The following PPP2R5E variants were observed in gnomAD, a reference collection of about 807,000 sequenced individuals.
The protein encoded by PPP2R5E is serine/threonine-protein phosphatase 2A 56 kDa regulatory subunit epsilon isoform.
Under a neutral mutation model 65.3 loss-of-function variants are expected in PPP2R5E, and 4 were observed. The ratio of observed to expected loss-of-function variants is 0.06; its 90% CI spans 0.03 to 0.14. The LOEUF (loss-of-function observed/expected upper bound fraction) is 0.14, where lower values mean the gene tolerates loss of function less well. PPP2R5E is among the 10% of genes least tolerant of loss of function. PPP2R5E has a pLI of 1.00. For missense variants in PPP2R5E, 274 were observed against 556.1 expected (o/e 0.49, Z 5.10); for synonymous variants, 183 against 187.4 (o/e 0.98, Z 0.19).
chr14:63,400,715 C>T (rs1461857407), intron 5 of PPP2R5E, among the ~76,000 whole-genome samples: 3 of 13,230 alleles, frequency 2.3e-4, no homozygotes, highest in Non-Finnish European at 6.5e-4. Context: ...AAAAAGGCCC[C>T]ATATAGACTC....
Position 63,543,323 on chromosome 14 carries a change from A to AT in PPP2R5E, c.-553dup, listed in dbSNP as rs1363123791. 2.0e-5 allele frequency: 3 copies of AT among 152,644 alleles called. No homozygotes were observed. The East Asian group carries it at 5.8e-4, about 29-fold the overall frequency. 9.5% of individuals were successfully genotyped at this position (152,644 alleles called of 1,614,324 possible). A position where few individuals can be genotyped will look rare whatever the true frequency, so the allele number is the denominator to read the frequency against. Reference sequence around the variant, plus strand: ...TGCCCCTTTCTCTCTCCTATTGTCAATATCACCGGGCGGCTGAGTCCATGG... The same window carrying AT: ...TGCCCCTTTCTCTCTCCTATTGTCAATTATCACCGGGCGGCTGAGTCCATGG... On this transcript the variant is annotated 5_prime_UTR_variant, in exon 1 of 14. Transcript: ENST00000337537.
rs1566657207 is a variant in PPP2R5E at position 63,374,669 on chromosome 14, A to AT, written c.*1339_*1340insA. On this transcript the variant is annotated 3_prime_UTR_variant, in exon 14 of 14. Coordinates refer to ENST00000337537, the MANE Select transcript of PPP2R5E (RefSeq NM_006246.5). ...TATATATATATATATATATATATAT[A>AT]AAATACAGCCCTAGATTTTGTTTTT... 32 of 125,294 alleles carry AT rather than the reference A, an allele frequency of 2.6e-4. No individual in the cohort carries two copies. The highest frequency in any genetic ancestry group is 4.1e-3 in the Middle Eastern group (1 of 242). The allele number at this position is 125,294 out of a possible 1,614,324, so 7.8% of individuals were successfully genotyped here.
At chr14:63,473,956 G>A (rs1424088007) in intron 2 of PPP2R5E, among the ~76,000 whole-genome samples, 1 of 152,184 alleles carries the variant, frequency 6.6e-6, no homozygotes, top group Non-Finnish European at 1.5e-5. Flanking sequence ...AAGTTGGAGT[G>A]AGCACATGGT....
chr14:63,488,467 T>C (rs1891109517), intron 2 of PPP2R5E, among the ~76,000 whole-genome samples: 1 of 152,154 alleles, frequency 6.6e-6, no homozygotes, highest in Non-Finnish European at 1.5e-5. Flanking sequence ...CCTCCCAAAG[T>C]GCTGAGATTG....
At chr14:63,414,613 G>A (rs1886592296) in intron 5 of PPP2R5E, among the ~76,000 whole-genome samples, 1 of 152,224 alleles carries the variant, frequency 6.6e-6, no homozygotes, top group African/African-American at 2.4e-5. Flanking sequence ...TCCCGGAGAT[G>A]TTCCAAATGG....
intron 2 of PPP2R5E, among the ~76,000 whole-genome samples, chr14:63,484,137 T>A (rs538532817): frequency 6.7e-6 from 1 of 148,724 alleles, no homozygotes; most frequent in African/African-American, 2.5e-5. Flanking sequence ...CCCAAAGCAA[T>A]GAAGCTCAGG....
intron 2 of PPP2R5E, among the ~76,000 whole-genome samples, chr14:63,519,201 C>A (rs568170946): frequency 2.0e-5 from 3 of 151,098 alleles, no homozygotes; most frequent in Admixed American, 6.6e-5. Context: ...GCAACAAGAG[C>A]GAGACTCCGT....
chr14:63,527,185 T>C (rs1893218490), intron 2 of PPP2R5E, among the ~76,000 whole-genome samples: 1 of 152,116 alleles, frequency 6.6e-6, no homozygotes, highest in African/African-American at 2.4e-5. Context: ...AAAAGAAAGT[T>C]TATCTAATAA....
intron 10 of PPP2R5E, among the ~76,000 whole-genome samples, 168 bp from the exon 11 acceptor site, chr14:63,389,899 G>T (rs1884908230): frequency 6.6e-6 from 1 of 152,124 alleles, no homozygotes; most frequent in South Asian, 2.1e-4. Context: ...GTTCCACAAA[G>T]AATTCACCAT....
chr14:63,452,391 C>G (rs2139473771), intron 3 of PPP2R5E: 1 of 152,254 alleles, frequency 6.6e-6, no homozygotes, highest in East Asian at 1.9e-4. Flanking sequence ...ATTGTGGGGG[C>G]CACCCGGTAC....
chr14:63,441,226 T>G (rs1389455518), intron 3 of PPP2R5E, among the ~76,000 whole-genome samples: 1 of 152,190 alleles, frequency 6.6e-6, no homozygotes, highest in East Asian at 1.9e-4. Context: ...TACACACCTT[T>G]GTGAAGAGAC....
At chr14:63,477,879 T>C (rs1388538280) in intron 2 of PPP2R5E, among the ~76,000 whole-genome samples, 2 of 151,636 alleles carry the variant, frequency 1.3e-5, no homozygotes, top group Non-Finnish European at 2.9e-5. Flanking sequence ...TATAAAATTT[T>C]TAAATGTATA....
intron 4 of PPP2R5E, among the ~76,000 whole-genome samples, chr14:63,416,221 G>A (rs1239860109): frequency 1.3e-5 from 2 of 152,216 alleles, no homozygotes; most frequent in Non-Finnish European, 2.9e-5. Flanking sequence ...TCAGAAGGCT[G>A]AGGAGGGAGG....
intron 10 of PPP2R5E, among the ~76,000 whole-genome samples, chr14:63,390,465 T>G (rs1217127511): frequency 1.3e-5 from 2 of 151,944 alleles, no homozygotes; most frequent in African/African-American, 2.4e-5. Flanking sequence ...AATGGGAAAA[T>G]GACAGATAAA....
Position 63,530,787 on chromosome 14 carries a change from T to C in PPP2R5E, c.157+8742A>G, listed in dbSNP as rs185862256. 2.4e-4 allele frequency among the ~76,000 whole-genome samples: 36 copies of C among 151,918 alleles called. No individual in the cohort carries two copies. The East Asian group carries it at 7.0e-3, about 30-fold the overall frequency. On this transcript the variant is annotated intron_variant, in intron 2 of 13. Coordinates refer to ENST00000337537, the MANE Select transcript of PPP2R5E (RefSeq NM_006246.5). ...GCATCACCACGCCTGACTAATTTTT[T>C]TGTATTTTTAGTAGAGATGGGGTTT...
intron 2 of PPP2R5E, among the ~76,000 whole-genome samples, chr14:63,482,675 T>C (rs1048180810): frequency 7.9e-5 from 12 of 152,190 alleles, no homozygotes; most frequent in African/African-American, 2.9e-4. Context: ...TAAACCAGAC[T>C]GTTAACAAAA....
At chr14:63,431,246 G>A (rs549523500) in intron 3 of PPP2R5E, among the ~76,000 whole-genome samples, 8 of 148,866 alleles carry the variant, frequency 5.4e-5, no homozygotes, top group South Asian at 2.1e-4. Flanking sequence ...CCAGCCTGGC[G>A]ACAGAGCTAG....
At chr14:63,513,875 G>C (rs2139704237) in intron 2 of PPP2R5E, among the ~76,000 whole-genome samples, 1 of 152,242 alleles carries the variant, frequency 6.6e-6, no homozygotes, top group East Asian at 1.9e-4. Flanking sequence ...GTAAGAGAAA[G>C]GACTAGAATA....
intron 3 of PPP2R5E, among the ~76,000 whole-genome samples, chr14:63,430,389 A>ACATACATGCATACATG (rs1555359673): frequency 3.6e-4 from 52 of 142,572 alleles, no homozygotes; most frequent in African/African-American, 1.5e-3. Flanking sequence ...ATACATACAT[A>ACATACATGCATACATG]CATACATACA....
Sources: allele counts gnomAD v4.1 joint callset (sites outside exome capture counted in the v4.1 genomes callset), GRCh38; gene constraint gnomAD v4.1.1; transcripts MANE v1.5; gene names NCBI Gene and HGNC (gene_info 2026-07-23, HGNC 2026-07-21).